Variants in STEAP1B observed in about 807,000 individuals in gnomAD.
STEAP1B encodes the protein STEAP family protein MGC87042.
STEAP1B carries 13 observed loss-of-function variants against 27.9 expected under a neutral mutation model. The observed-to-expected ratio is 0.47, with a 90% CI of 0.30 to 0.74. The LOEUF (loss-of-function observed/expected upper bound fraction) is 0.74, where lower values mean the gene tolerates loss of function less well. STEAP1B is among the 30% of genes least tolerant of loss of function. The probability of loss-of-function intolerance (pLI) is 0.06; values close to 1 mark genes in which losing one functional copy is unlikely to be tolerated. For missense variants in STEAP1B, 250 were observed against 298.7 expected (o/e 0.84, Z 1.20); for synonymous variants, 86 against 107.1 (o/e 0.80, Z 1.22).
At chr7:22,494,136 T>C (rs1786395383) in intron 2 of STEAP1B, among the ~76,000 whole-genome samples, 1 of 143,520 alleles carries the variant, frequency 7.0e-6, no homozygotes. Flanking sequence ...TATTAATTAC[T>C]TTTCCCTATT....
intron 1 of STEAP1B, among the ~76,000 whole-genome samples, chr7:22,497,022 A>G (rs888858816): frequency 2.0e-5 from 3 of 152,202 alleles, no homozygotes; most frequent in African/African-American, 7.2e-5. Flanking sequence ...CTGATTTAAA[A>G]CATTTCCTCC....
At chr7:22,475,352 C>T (rs561992116) in intron 4 of STEAP1B, among the ~76,000 whole-genome samples, 7 of 152,306 alleles carry the variant, frequency 4.6e-5, no homozygotes, top group African/African-American at 1.4e-4. Context: ...CCCTGCTGCA[C>T]GCACCTGTCC....
chr7:22,427,817 CA>C (rs1760309437), intron 4 of STEAP1B, among the ~76,000 whole-genome samples: 1 of 152,182 alleles, frequency 6.6e-6, no homozygotes, highest in Non-Finnish European at 1.5e-5. Context: ...AGCAAACCTC[CA>C]GCAAGACTGC....
At chr7:22,469,904 A>C (rs1253439629) in intron 4 of STEAP1B, among the ~76,000 whole-genome samples, 1 of 152,244 alleles carries the variant, frequency 6.6e-6, no homozygotes, top group Non-Finnish European at 1.5e-5. Context: ...AATAAACTCC[A>C]GTGCTGGACT....
At chr7:22,490,107 C>T (rs1786294219) in intron 4 of STEAP1B, among the ~76,000 whole-genome samples, 1 of 152,052 alleles carries the variant, frequency 6.6e-6, no homozygotes, top group Non-Finnish European at 1.5e-5. Context: ...TGAAAACAAT[C>T]CAAAAGATCT....
intron 4 of STEAP1B, among the ~76,000 whole-genome samples, chr7:22,454,855 ATATATATATATTTT>A (rs1785550344): frequency 1.4e-5 from 1 of 69,590 alleles, no homozygotes; most frequent in Non-Finnish European, 2.6e-5. Flanking sequence ...ATATGTATAT[ATATATATATATTTT>A]TTTTTTTTTT....
intron 4 of STEAP1B, among the ~76,000 whole-genome samples, chr7:22,469,908 C>T (rs1237203497): frequency 6.6e-6 from 1 of 152,148 alleles, no homozygotes; most frequent in Non-Finnish European, 1.5e-5. Context: ...AACTCCAGTG[C>T]TGGACTGTAG....
intron 4 of STEAP1B, among the ~76,000 whole-genome samples, chr7:22,481,287 C>A (rs1434135671): frequency 6.6e-6 from 1 of 152,190 alleles, no homozygotes; most frequent in Non-Finnish European, 1.5e-5. Flanking sequence ...AGAGCACAGA[C>A]CTCTGGAGCC....
At chr7:22,439,975 T>C (rs939635910) in intron 4 of STEAP1B, among the ~76,000 whole-genome samples, 1 of 152,032 alleles carries the variant, frequency 6.6e-6, no homozygotes, top group Middle Eastern at 3.2e-3. Context: ...TAGAAACATT[T>C]GAGCCTTTAA....
chr7:22,497,213 ATATT>A (rs1354241436), intron 1 of STEAP1B, among the ~76,000 whole-genome samples: 3 of 152,214 alleles, frequency 2.0e-5, no homozygotes, highest in Non-Finnish European at 2.9e-5. Flanking sequence ...TCATTCTCTG[ATATT>A]TATATATGGA....
chr7:22,461,959 C>G (rs1785685781), intron 4 of STEAP1B, among the ~76,000 whole-genome samples: 1 of 152,164 alleles, frequency 6.6e-6, no homozygotes, highest in Non-Finnish European at 1.5e-5. Context: ...TGAAACGTAC[C>G]AGCCACGTAG....
chr7:22,446,240 T>C (rs1785407601), intron 4 of STEAP1B, among the ~76,000 whole-genome samples: 1 of 152,260 alleles, frequency 6.6e-6, no homozygotes, highest in Non-Finnish European at 1.5e-5. Context: ...CCCCGGTCCC[T>C]ACCCTCTGAG....
chr7:22,455,476 G>C (rs937785053), intron 4 of STEAP1B, among the ~76,000 whole-genome samples: 1 of 152,160 alleles, frequency 6.6e-6, no homozygotes, highest in African/African-American at 2.4e-5. Flanking sequence ...TTTCCTTAAT[G>C]AGTAAAGATG....
chr7:22,426,993 G>A (rs1468647991), intron 4 of STEAP1B, among the ~76,000 whole-genome samples: 1 of 152,310 alleles, frequency 6.6e-6, no homozygotes, highest in Non-Finnish European at 1.5e-5. Flanking sequence ...ATCCATGCAG[G>A]TGTTGAGGGG....
At chr7:22,449,145 G>A (rs1225963625) in intron 4 of STEAP1B, among the ~76,000 whole-genome samples, 2 of 151,998 alleles carry the variant, frequency 1.3e-5, no homozygotes, top group Non-Finnish European at 2.9e-5. Context: ...CAAACAATCC[G>A]ATTACACTCT....
At chr7:22,420,303 T>C (rs1161114341) in intron 4 of STEAP1B, among the ~76,000 whole-genome samples, 1 of 152,194 alleles carries the variant, frequency 6.6e-6, no homozygotes, top group Non-Finnish European at 1.5e-5. Flanking sequence ...ATCTTGTCCC[T>C]AGAACCAGAT....
chr7:22,442,637 G>A lies in STEAP1B; in HGVS notation c.763-22801C>T, dbSNP rs534582697. 5.3e-5 allele frequency among the ~76,000 whole-genome samples: 8 copies of A among 152,368 alleles called. No individual in the cohort carries two copies. The East Asian group carries it at 1.5e-3, about 29-fold the overall frequency. On this transcript the variant is annotated intron_variant, in intron 4 of 4. Transcript: ENST00000678116. ...AATGCTGGGTGCTGATCTGACAAAG[G>A]ACCTGACGATGCCTTTGACAGAGTT... is the stretch of plus-strand genomic sequence containing the variant.
intron 4 of STEAP1B, among the ~76,000 whole-genome samples, chr7:22,464,336 G>T (rs1235206055): frequency 6.6e-6 from 1 of 152,148 alleles, no homozygotes; most frequent in Non-Finnish European, 1.5e-5. Context: ...TCCCCTGACT[G>T]CTGTCTGGAC....
chr7:22,488,852 T>G (rs1233689129), intron 4 of STEAP1B, among the ~76,000 whole-genome samples: 6 of 152,156 alleles, frequency 3.9e-5, no homozygotes. Flanking sequence ...CACATGAAGG[T>G]GGAGGCTGAG....
Sources: allele counts gnomAD v4.1 joint callset (sites outside exome capture counted in the v4.1 genomes callset), GRCh38; gene constraint gnomAD v4.1.1; transcripts MANE v1.5; gene names NCBI Gene and HGNC (gene_info 2026-07-23, HGNC 2026-07-21).